The following SOX5 variants were observed in gnomAD, a reference collection of about 807,000 sequenced individuals.
SOX5 encodes SRY-box transcription factor 5.
In SOX5, 9 loss-of-function variants were observed where a neutral mutation model predicts 92.0. The observed-to-expected ratio is 0.10, with a 90% CI of 0.06 to 0.17. SOX5 has a LOEUF of 0.17. Among genes scored for constraint, SOX5 ranks in the 10% least tolerant of loss-of-function variants. The pLI, the probability that SOX5 is intolerant of heterozygous loss-of-function variation, is 1.00. For missense variants in SOX5, 642 were observed against 944.5 expected (o/e 0.68, Z 4.20); for synonymous variants, 344 against 336.3 (o/e 1.02, Z -0.25).
chr12:24,107,946 G>C (rs545448629), intron 4 of SOX5, among the ~76,000 whole-genome samples: 1 of 152,304 alleles, frequency 6.6e-6, no homozygotes, highest in East Asian at 1.9e-4. Context: ...ACAGTGTATA[G>C]GCTGCAAATA....
intron 2 of SOX5, among the ~76,000 whole-genome samples, chr12:23,868,119 C>CT (rs1416150578): frequency 2.6e-5 from 4 of 151,498 alleles, no homozygotes; most frequent in Non-Finnish European, 4.4e-5. Context: ...CTGCCTTCCA[C>CT]TTTTTTTTCT....
chr12:24,371,098 C>T (rs1435614868), intron 1 of SOX5, among the ~76,000 whole-genome samples: 2 of 152,168 alleles, frequency 1.3e-5, no homozygotes, highest in African/African-American at 2.4e-5. Flanking sequence ...TAATCAATTA[C>T]GTATGTCTTT....
chr12:24,502,592 T>G lies in SOX5; in HGVS notation c.-251+59737A>C, dbSNP rs543631761. Among the ~76,000 whole-genome samples the G allele has an allele frequency of 9.9e-5, 15 of 152,260 alleles. No individual in the cohort carries two copies. The East Asian group carries it at 2.1e-3, about 22-fold the overall frequency. ...AAAAGGGGGTAATACAAAATCTCCA[T>G]GAGAATGCTACCATAATAATTACTG... On this transcript the variant is annotated intron_variant, in intron 1 of 4. Coordinates refer to the SOX5 transcript ENST00000446891.
intron 2 of SOX5, among the ~76,000 whole-genome samples, chr12:24,336,488 T>C (rs1397125482): frequency 2.0e-5 from 3 of 152,132 alleles, no homozygotes; most frequent in Non-Finnish European, 4.4e-5. Context: ...GAAAGATCAG[T>C]AAGACAGGAT....
In SOX5 at chr12:23,539,265, T is replaced by C. The variant is rs181707766; in HGVS notation, c.1772-2596A>G. On this transcript the variant is annotated intron_variant, in intron 13 of 14. Transcript: ENST00000451604. The stretch of plus-strand genomic sequence containing the variant: ...CTGTTTGTTTGTATATTTCCTACTA[T>C]GTACATAATGTTGCATTCATTCCTT... Among the ~76,000 whole-genome samples the C allele has an allele frequency of 3.3e-4, 50 of 152,338 alleles. No homozygotes were observed. In the East Asian group the frequency reaches 8.9e-3, roughly 27 times the overall value.
chr12:24,491,451 T>G (rs1180060005), intron 1 of SOX5, among the ~76,000 whole-genome samples: 1 of 152,048 alleles, frequency 6.6e-6, no homozygotes, highest in Non-Finnish European at 1.5e-5. Context: ...TAGAGTCACT[T>G]GCTAGTGTTT....
chr12:24,121,944 G>A (rs1434942415), intron 4 of SOX5, among the ~76,000 whole-genome samples: 2 of 149,552 alleles, frequency 1.3e-5, no homozygotes, highest in Non-Finnish European at 3.0e-5. Context: ...AGATAAATCT[G>A]GTAGTGGCAG....
chr12:24,499,653 C>T (rs1396847159), intron 1 of SOX5, among the ~76,000 whole-genome samples: 1 of 152,018 alleles, frequency 6.6e-6, no homozygotes, highest in Non-Finnish European at 1.5e-5. Flanking sequence ...TCAGGCAAAG[C>T]CTAGCATTGG....
chr12:24,223,174 T>C (rs1000368890), intron 3 of SOX5: 1 of 152,242 alleles, frequency 6.6e-6, no homozygotes, highest in Non-Finnish European at 1.5e-5. Flanking sequence ...AACTGATTGA[T>C]ACAAACACAC....
In SOX5 at chr12:23,915,318, C is replaced by T. The variant is rs553279062; in HGVS notation, c.39-19294G>A. On this transcript the variant is annotated intron_variant, in intron 1 of 14. Transcript: ENST00000451604. Reference sequence around the variant, plus strand: ...CTAAACCATAGTTAAGGTTAGGATACGACACAATCTAATTAGCTATGAGAA... The same window carrying T: ...CTAAACCATAGTTAAGGTTAGGATATGACACAATCTAATTAGCTATGAGAA... 3.5e-4 allele frequency among the ~76,000 whole-genome samples: 54 copies of T among 152,158 alleles called. No individual in the cohort carries two copies. The East Asian group carries it at 4.8e-3, about 14-fold the overall frequency.
At chr12:23,577,191 A>ATATATATATTTTTT (rs71059907) in intron 9 of SOX5, among the ~76,000 whole-genome samples, 16 of 61,390 alleles carry the variant, frequency 2.6e-4, no homozygotes, top group Non-Finnish European at 4.8e-4. Context: ...ATATATATAT[A>ATATATATATTTTTT]TTTTTTTTTT....
intron 1 of SOX5, among the ~76,000 whole-genome samples, chr12:24,437,510 A>T (rs1939673006): frequency 6.6e-6 from 1 of 152,242 alleles, no homozygotes; most frequent in South Asian, 2.1e-4. Context: ...ACAGCAAAAG[A>T]AACTATCATC....
chr12:24,340,853 TG>T lies in SOX5; in HGVS notation c.-174+27709del, dbSNP rs746885066. Among the ~76,000 whole-genome samples the T allele has an allele frequency of 2.2e-4, 34 of 152,304 alleles. 1 individual carries two copies. Among genetic ancestry groups the T allele is most frequent in the East Asian group, 1.7e-3 (9 of 5,178 alleles). ...AAGCCTAATTGTCTGAAGGATTTTT[TG>T]TTGTTGTTGTTAGTTCATTTTGACG... On this transcript the variant is annotated intron_variant, in intron 2 of 4. Transcript: ENST00000446891.
At chr12:23,989,913 A>T (rs1271723019) in intron 4 of SOX5, among the ~76,000 whole-genome samples, 1 of 152,134 alleles carries the variant, frequency 6.6e-6, no homozygotes, top group East Asian at 1.9e-4. Context: ...ATACAATCAG[A>T]AGTACCTCAA....
chr12:24,478,932 G>T (rs7311572), intron 1 of SOX5, among the ~76,000 whole-genome samples: 28,936 of 152,110 alleles, frequency 0.19, 2,867 homozygotes, highest in Middle Eastern at 0.25. Context: ...TCATTCAAAT[G>T]CCTGACAAAT....
At chr12:24,181,583 T>A (rs1955503779) in intron 4 of SOX5, among the ~76,000 whole-genome samples, 2 of 152,298 alleles carry the variant, frequency 1.3e-5, no homozygotes, top group African/African-American at 4.8e-5. Context: ...TATATGAGGA[T>A]CATAATATAC....
At chr12:24,063,926 C>A (rs1940200553) in intron 4 of SOX5, among the ~76,000 whole-genome samples, 1 of 152,048 alleles carries the variant, frequency 6.6e-6, no homozygotes, top group African/African-American at 2.4e-5. Flanking sequence ...GGTAATAAGT[C>A]AAATAATGTA....
At chr12:24,085,742 A>G (rs1943909972) in intron 4 of SOX5, among the ~76,000 whole-genome samples, 1 of 152,026 alleles carries the variant, frequency 6.6e-6, no homozygotes, top group African/African-American at 2.4e-5. Context: ...TTGAAAGAAG[A>G]AAAGTTCTTC....
At chr12:24,017,434 T>C (rs6487370) in intron 4 of SOX5, among the ~76,000 whole-genome samples, 87,515 of 151,584 alleles carry the variant, frequency 0.58, 27,425 homozygotes, top group East Asian at 0.85. Flanking sequence ...CCATCTCTAC[T>C]AAAAATGCAA....
Sources: allele counts gnomAD v4.1 joint callset (sites outside exome capture counted in the v4.1 genomes callset), GRCh38; gene constraint gnomAD v4.1.1; transcripts MANE v1.5; gene names NCBI Gene and HGNC (gene_info 2026-07-23, HGNC 2026-07-21).